ECT2L: variants seen among roughly 807,000 people sequenced by gnomAD.
ECT2L encodes epithelial cell-transforming sequence 2 oncogene-like.
In ECT2L, 126 loss-of-function variants were observed where a neutral mutation model predicts 122.8. The observed-to-expected ratio is 1.03, with a 90% CI of 0.89 to 1.19. The LOEUF (loss-of-function observed/expected upper bound fraction) is 1.19, where lower values mean the gene tolerates loss of function less well. ECT2L is among the 50% of genes most tolerant of loss of function. ECT2L has a pLI of 0.00. For synonymous variants in ECT2L, 385 were observed against 381.8 expected, an observed-to-expected ratio of 1.01 and a Z score of -0.10; for missense variants, 1,012 against 1,064.1, an observed-to-expected ratio of 0.95 and a Z score of 0.68.
chr6:138,874,181 C>T (rs1778362523), intron 13 of ECT2L, among the ~76,000 whole-genome samples: 1 of 152,022 alleles, frequency 6.6e-6, no homozygotes, highest in Non-Finnish European at 1.5e-5. Context: ...ATAGTGTCTG[C>T]CCATGCTCCA....
rs780894567 is a variant in ECT2L, at chr6:138,865,115, G to A, written c.1411G>A (p.Val471Ile). The change falls in exon 12 of 22, where the codon GTA becomes ATA. Residue 471 changes from valine (V) to isoleucine (I), a missense_variant. Val to Ile is a conservative substitution (Grantham distance 29). Coordinates refer to ENST00000541398, the MANE Select transcript of ECT2L (RefSeq NM_001077706.3). ...CTTCCTAGAAGAAACCTTGAAAACA[G>A]TAAGGAAGCAGCTGTATCCTTTCTT... ...TDFLEETLKT[V>I]RKQLYPFFKE... 6.2e-6 allele frequency: 10 copies of A among 1,613,924 alleles called. No individual in the cohort carries two copies. The African/African-American group carries it at 1.3e-4, about 22-fold the overall frequency.
intron 19 of ECT2L, among the ~76,000 whole-genome samples, chr6:138,888,715 T>A (rs1421392262): frequency 5.9e-5 from 9 of 152,208 alleles, no homozygotes; most frequent in African/African-American, 2.4e-5. Flanking sequence ...TCAGCAGTTT[T>A]AAAACTTTGA....
At chr6:138,838,018 G>A (rs1776903103) in intron 4 of ECT2L, among the ~76,000 whole-genome samples, 1 of 151,076 alleles carries the variant, frequency 6.6e-6, no homozygotes, top group South Asian at 2.1e-4. Context: ...CTCCTGCCTT[G>A]GCCTTCCAAG....
At chr6:138,890,240 T>C (rs1778970526) in intron 20 of ECT2L, among the ~76,000 whole-genome samples, 1 of 152,134 alleles carries the variant, frequency 6.6e-6, no homozygotes, top group Admixed American at 6.5e-5. Flanking sequence ...CAAAGAGTGA[T>C]TCAGCAAACA....
intron 18 of ECT2L, among the ~76,000 whole-genome samples, chr6:138,886,199 C>T (rs1315241795): frequency 6.7e-6 from 1 of 148,806 alleles, no homozygotes; most frequent in African/African-American, 2.6e-5. Context: ...TCAGTGAGTA[C>T]AATGGTCATA....
At chr6:138,876,682 A>AT in intron 14 of ECT2L, 124 bp downstream of exon 14, 1 of 552,152 alleles carries the variant, frequency 1.8e-6, no homozygotes, top group Non-Finnish European at 3.1e-6. Context: ...AAAAAAAAAA[A>AT]CCTCAAAAAT....
chr6:138,832,184 GTTT>G (rs35891687), intron 4 of ECT2L, among the ~76,000 whole-genome samples: 1 of 144,616 alleles, frequency 6.9e-6, no homozygotes, highest in Non-Finnish European at 1.5e-5. Context: ...TCAAATGTCT[GTTT>G]TTTTTTTTTC....
chr6:138,818,844 G>T (rs1050496962), intron 4 of ECT2L, among the ~76,000 whole-genome samples: 1 of 152,068 alleles, frequency 6.6e-6, no homozygotes, highest in Admixed American at 6.6e-5. Flanking sequence ...GGAGGGTGGA[G>T]GATGAGGAAC....
intron 20 of ECT2L, among the ~76,000 whole-genome samples, chr6:138,892,192 T>C (rs1283865440): frequency 1.3e-5 from 2 of 152,190 alleles, no homozygotes; most frequent in African/African-American, 4.8e-5. Context: ...AAGCTTCTGT[T>C]GACATATCTT....
Position 138,849,368 on chromosome 6 carries a change from G to A in ECT2L, c.1003G>A (p.Gly335Arg). The A allele has an allele frequency of 6.2e-7, 1 of 1,613,938 alleles. No individual in the cohort carries two copies. The highest frequency in any genetic ancestry group is 8.5e-7 in the Non-Finnish European group (1 of 1,179,992). The change falls in exon 9 of 22, where the codon GGG becomes AGG. Residue 335 changes from glycine (G) to arginine (R), a missense_variant. Coordinates refer to ENST00000541398, the MANE Select transcript of ECT2L (RefSeq NM_001077706.3). ...LLYLIEKALD[G>R]QKAQSIGIFS... ...GTATCTTATAGAAAAAGCTCTGGAT[G>A]GGCAGAAGGCACAGAGCATCGGAAT...
chr6:138,856,271 G>C (rs140622612), intron 10 of ECT2L, among the ~76,000 whole-genome samples: 2 of 149,498 alleles, frequency 1.3e-5, no homozygotes, highest in East Asian at 2.0e-4. Context: ...CTGGAGTGCA[G>C]TGGCGTGATC....
intron 20 of ECT2L, among the ~76,000 whole-genome samples, chr6:138,896,506 A>T (rs190469667): frequency 6.6e-6 from 1 of 152,302 alleles, no homozygotes; most frequent in East Asian, 1.9e-4. Flanking sequence ...CAAGGATACT[A>T]GACTTTGGTC....
At chr6:138,819,096 G>A (rs1459464536) in intron 4 of ECT2L, among the ~76,000 whole-genome samples, 11 of 152,110 alleles carry the variant, frequency 7.2e-5, no homozygotes, top group Non-Finnish European at 1.3e-4. Flanking sequence ...GGAAATTTGA[G>A]TCATCTTCAC....
At chr6:138,846,405 A>C (rs553611576) in intron 7 of ECT2L, 134 bp from the exon 8 acceptor site, 1 of 714,066 alleles carries the variant, frequency 1.4e-6, no homozygotes, top group Non-Finnish European at 2.1e-6. Flanking sequence ...CTCACAAAAC[A>C]CAGGGTGAGG....
In ECT2L at chr6:138,903,229, C is replaced by G. The variant is rs147280950; in HGVS notation, c.*602C>G. The G allele has an allele frequency of 0.028, 4,205 of 152,292 alleles. 168 individuals carry two copies. The highest frequency in any genetic ancestry group is 0.092 in the African/African-American group (3,819 of 41,448). 9.4% of individuals were successfully genotyped at this position (152,292 alleles called of 1,614,324 possible). A position where few individuals can be genotyped will look rare whatever the true frequency, so the allele number is the denominator to read the frequency against. The stretch of plus-strand genomic sequence containing the variant: ...AAAATTAGCCAGGCATGGTGGCACA[C>G]GCCTGTAGTCCCTGCTACTTGCGAC... On this transcript the variant is annotated 3_prime_UTR_variant, in exon 22 of 22. Transcript: ENST00000541398.
intron 10 of ECT2L, among the ~76,000 whole-genome samples, chr6:138,858,464 T>C (rs1192781947): frequency 6.6e-6 from 1 of 152,100 alleles, no homozygotes; most frequent in Non-Finnish European, 1.5e-5. Flanking sequence ...TGAAATATAA[T>C]TAATATACAA....
chr6:138,828,191 CTTA>C lies in ECT2L; in HGVS notation c.180-10156_180-10154del, dbSNP rs372697932. On this transcript the variant is annotated intron_variant, in intron 4 of 21. Transcript: ENST00000541398. ...ATCAGCCTGAAAAAATTAATAATCT[CTTA>C]TTATCAAATGTTTAGTCAGTAATCA... Among the ~76,000 whole-genome samples, 12 of 152,226 alleles carry C rather than the reference CTTA, an allele frequency of 7.9e-5. No individual in the cohort carries two copies. In the South Asian group the frequency reaches 2.5e-3, roughly 32 times the overall value.
chr6:138,844,640 A>G lies in ECT2L; in HGVS notation c.764+60A>G. On this transcript the variant is annotated intron_variant, in intron 7 of 21. Transcript: ENST00000541398. Reference sequence around the variant, plus strand: ...CATCCCAATACCAATAATTCACTCTAGAATAAATTTAGCTATCACGCAGAA... The same window carrying G: ...CATCCCAATACCAATAATTCACTCTGGAATAAATTTAGCTATCACGCAGAA... The G allele has an allele frequency of 2.0e-6, 3 of 1,499,752 alleles. No individual in the cohort carries two copies. In the African/African-American group the frequency reaches 4.1e-5, roughly 21 times the overall value. 92.9% of individuals were successfully genotyped at this position (1,499,752 alleles called of 1,614,324 possible).
chr6:138,896,775 G>A (rs753348700), intron 20 of ECT2L, among the ~76,000 whole-genome samples: 41 of 152,134 alleles, frequency 2.7e-4, no homozygotes, highest in Non-Finnish European at 3.5e-4. Context: ...AGCCTCCCAA[G>A]TAGCTGGGAC....
Sources: gnomAD v4.1 joint callset for allele counts (sites outside exome capture counted in the v4.1 genomes callset) on GRCh38, gnomAD v4.1.1 for gene constraint, MANE v1.5 for transcripts, NCBI Gene and HGNC (gene_info 2026-07-23, HGNC 2026-07-21) for gene names.